The following COL25A1 variants were observed in gnomAD, a reference collection of about 807,000 sequenced individuals.
The protein encoded by COL25A1 is collagen type XXV alpha 1 chain.
A neutral mutation model predicts 128.4 loss-of-function variants in COL25A1; 103 were observed. The ratio of observed to expected loss-of-function variants is 0.80; its 90% CI spans 0.68 to 0.94. The LOEUF (loss-of-function observed/expected upper bound fraction) is 0.94, where lower values mean the gene tolerates loss of function less well. Ranked by LOEUF, COL25A1 falls within the 40% of genes least tolerant of loss-of-function variation. The pLI is 0.00. For synonymous variants in COL25A1, 279 were observed against 277.2 expected (o/e 1.01, Z -0.06); for missense variants, 745 against 840.0 (o/e 0.89, Z 1.40).
rs1185147878 is a variant in COL25A1, at chr4:108,839,853, G to A, written c.1656+1842C>T. On this transcript the variant is annotated intron_variant, in intron 31 of 37. Coordinates refer to ENST00000399132, the MANE Select transcript of COL25A1 (RefSeq NM_198721.4). ...CATCTTGGGCATCTCCTAATCCAAT[G>A]GTGATGGCATATCTGAATCACTTAT... Among the ~76,000 whole-genome samples the A allele has an allele frequency of 2.0e-5, 3 of 152,016 alleles. No homozygotes were observed. In the East Asian group the frequency reaches 5.8e-4, roughly 29 times the overall value.
At chr4:108,990,255 T>A (rs1172058897) in intron 6 of COL25A1, among the ~76,000 whole-genome samples, 34 of 126,180 alleles carry the variant, frequency 2.7e-4, no homozygotes, top group East Asian at 2.0e-3. Context: ...TATATATATA[T>A]ATATATATAT....
chr4:109,150,507 G>C (rs1485185882), intron 3 of COL25A1, among the ~76,000 whole-genome samples: 1 of 152,106 alleles, frequency 6.6e-6, no homozygotes, highest in Non-Finnish European at 1.5e-5. Flanking sequence ...GGCAAAATGT[G>C]GTGCCGAGAT....
intron 20 of COL25A1, among the ~76,000 whole-genome samples, chr4:108,868,671 G>T (rs753447586): frequency 4.1e-5 from 6 of 145,378 alleles, no homozygotes; most frequent in Non-Finnish European, 7.6e-5. Flanking sequence ...AAAGGAAGGG[G>T]AAGGAAAGGG....
chr4:108,852,504 G>A (rs1216068362), intron 25 of COL25A1, among the ~76,000 whole-genome samples: 1 of 152,098 alleles, frequency 6.6e-6, no homozygotes, highest in Admixed American at 6.6e-5. Flanking sequence ...TGTGGAAGGT[G>A]CTTCTGGGTA....
intron 3 of COL25A1, among the ~76,000 whole-genome samples, chr4:109,300,186 A>AC (rs1561001360): frequency 6.6e-6 from 1 of 150,586 alleles, no homozygotes; most frequent in Admixed American, 6.6e-5. Context: ...CAAAACAAAA[A>AC]AAAAAAAAAA....
chr4:108,823,875 A>ATT lies in COL25A1; in HGVS notation c.1845+297_1845+298dup, dbSNP rs199515292. ...TCATTTAATTTTACTTTTTAAAATGATTTTTTTTTCAAAAATCCTTTATTT... is the reference window on the plus strand; with the variant it reads ...TCATTTAATTTTACTTTTTAAAATGATTTTTTTTTTTCAAAAATCCTTTATTT... On this transcript the variant is annotated intron_variant, in intron 35 of 37. Transcript: ENST00000399132. 4.9e-5 allele frequency: 66 copies of ATT among 1,345,908 alleles called. No homozygotes were observed. The East Asian group carries it at 5.7e-4, about 12-fold the overall frequency. 83.4% of individuals were successfully genotyped at this position (1,345,908 alleles called of 1,614,324 possible). A position where few individuals can be genotyped will look rare whatever the true frequency, so the allele number is the denominator to read the frequency against.
At position 109,192,022 on chromosome 4, in the gene COL25A1, A is replaced by G. The variant is rs117681290; in HGVS notation, c.367+108561T>C. ...AAGAAGTGTCAGAGAGATCTTCCTA[A>G]GTTAAATAGCCATTTGAGCTGAGTC... On this transcript the variant is annotated intron_variant, in intron 3 of 37. Coordinates refer to ENST00000399132, the MANE Select transcript of COL25A1 (RefSeq NM_198721.4). Among the ~76,000 whole-genome samples the G allele has an allele frequency of 8.5e-3, 1,291 of 152,338 alleles. 59 individuals carry two copies. The South Asian group carries it at 0.14, about 16-fold the overall frequency.
At chr4:109,086,199 AC>A (rs1764356914) in intron 3 of COL25A1, among the ~76,000 whole-genome samples, 1 of 152,240 alleles carries the variant, frequency 6.6e-6, no homozygotes, top group Non-Finnish European at 1.5e-5. Flanking sequence ...CAAGGGCTGA[AC>A]AGTTGCAGCA....
chr4:108,849,379 A>G (rs1735504323), intron 26 of COL25A1, among the ~76,000 whole-genome samples: 1 of 152,198 alleles, frequency 6.6e-6, no homozygotes, highest in African/African-American at 2.4e-5. Flanking sequence ...ATGCATATGA[A>G]ATAACTTTTA....
intron 6 of COL25A1, among the ~76,000 whole-genome samples, chr4:108,988,926 C>G (rs1017028260): frequency 1.3e-5 from 2 of 152,038 alleles, no homozygotes; most frequent in Non-Finnish European, 2.9e-5. Context: ...CTTTTCTTCC[C>G]CTCTACACAC....
chr4:109,121,681 C>T (rs1405383363), intron 3 of COL25A1, among the ~76,000 whole-genome samples: 1 of 152,036 alleles, frequency 6.6e-6, no homozygotes, highest in Non-Finnish European at 1.5e-5. Flanking sequence ...GTGGGAATGC[C>T]AAATGATACA....
rs148384122 is a variant in COL25A1, at chr4:108,894,845, T to A, written c.906+1822A>T. ...ATTCATGCCATATTTGATTGCAGCA[T>A]GATACTTAAATTTGGCAGATAAATA... On this transcript the variant is annotated intron_variant, in intron 16 of 37. Coordinates refer to ENST00000399132, the MANE Select transcript of COL25A1 (RefSeq NM_198721.4). 8.5e-5 allele frequency among the ~76,000 whole-genome samples: 13 copies of A among 152,342 alleles called. No homozygotes were observed. In the East Asian group the frequency reaches 2.5e-3, roughly 29 times the overall value.
At position 108,986,421 on chromosome 4, in the gene COL25A1, T is replaced by A. The variant is rs78259360; in HGVS notation, c.439-11862A>T. 4.9e-3 allele frequency among the ~76,000 whole-genome samples: 744 copies of A among 152,290 alleles called. 17 individuals carry two copies. The East Asian group carries it at 0.067, about 14-fold the overall frequency. Reference sequence around the variant, plus strand: ...ACTTCTTGATATAATGAACTAAGAATTGTACTATACATTTATTACAGGTTT... The same window carrying A: ...ACTTCTTGATATAATGAACTAAGAAATGTACTATACATTTATTACAGGTTT... On this transcript the variant is annotated intron_variant, in intron 6 of 37. Coordinates refer to ENST00000399132, the MANE Select transcript of COL25A1 (RefSeq NM_198721.4).
intron 5 of COL25A1, among the ~76,000 whole-genome samples, chr4:109,018,987 G>A (rs927692624): frequency 6.6e-6 from 1 of 152,142 alleles, no homozygotes; most frequent in Non-Finnish European, 1.5e-5. Context: ...TTAATAGGGA[G>A]TGTCAACTTG....
At chr4:109,275,512 A>G (rs1002702831) in intron 3 of COL25A1, among the ~76,000 whole-genome samples, 3 of 152,212 alleles carry the variant, frequency 2.0e-5, no homozygotes, top group Admixed American at 6.5e-5. Flanking sequence ...CCCACTTGCC[A>G]TACAGAATAG....
chr4:108,860,292 A>G (rs371642928), intron 23 of COL25A1, among the ~76,000 whole-genome samples: 54 of 152,176 alleles, frequency 3.5e-4, no homozygotes, highest in African/African-American at 1.2e-3. Flanking sequence ...GAGTTTCACC[A>G]TGTTGGGCAG....
At chr4:108,899,014 C>A (rs62314608) in intron 15 of COL25A1, 140 bp downstream of exon 15, 1 of 545,308 alleles carries the variant, frequency 1.8e-6, no homozygotes. Context: ...TATCTATATA[C>A]CTACCTACCT....
At chr4:108,990,272 A>ATATATATC (rs1237402687) in intron 6 of COL25A1, among the ~76,000 whole-genome samples, 25 of 123,622 alleles carry the variant, frequency 2.0e-4, no homozygotes, top group African/African-American at 7.1e-4. Context: ...ATATATATAT[A>ATATATATC]TCTCAAAAGA....
At chr4:108,845,583 T>C (rs1466500781) in intron 28 of COL25A1, among the ~76,000 whole-genome samples, 1 of 152,154 alleles carries the variant, frequency 6.6e-6, no homozygotes, top group Non-Finnish European at 1.5e-5. Flanking sequence ...AGGTAAGGCT[T>C]TTAACTTAGT....
Sources: gnomAD v4.1 joint callset for allele counts (sites outside exome capture counted in the v4.1 genomes callset) on GRCh38, gnomAD v4.1.1 for gene constraint, MANE v1.5 for transcripts, NCBI Gene and HGNC (gene_info 2026-07-23, HGNC 2026-07-21) for gene names.